SUSD5: variants seen among roughly 807,000 people sequenced by gnomAD.
SUSD5 encodes the protein sushi domain containing 5, also known as sushi domain-containing protein 5.
Under a neutral mutation model 29.5 loss-of-function variants are expected in SUSD5, and 33 were observed. That is an observed-to-expected ratio of 1.12 (90% confidence interval 0.85 to 1.49). SUSD5 has a LOEUF of 1.49. Ranked by LOEUF, SUSD5 falls within the 40% of genes most tolerant of loss-of-function variation. The pLI is 0.00. For missense variants in SUSD5, 776 were observed against 800.6 expected, an observed-to-expected ratio of 0.97 and a Z score of 0.37; for synonymous variants, 308 against 325.3, an observed-to-expected ratio of 0.95 and a Z score of 0.57.
chr3:33,199,825 T>C (rs2032075376), intron 3 of SUSD5, among the ~76,000 whole-genome samples: 1 of 152,190 alleles, frequency 6.6e-6, no homozygotes, highest in Non-Finnish European at 1.5e-5. Context: ...GAAATTTCAT[T>C]GCCATTGTAA....
chr3:33,172,048 A>G (rs992856023), intron 4 of SUSD5, among the ~76,000 whole-genome samples: 1 of 152,212 alleles, frequency 6.6e-6, no homozygotes, highest in African/African-American at 2.4e-5. Context: ...TCAATGTCCA[A>G]TCAGCCAGTA....
chr3:33,212,375 A>C (rs1390784948), intron 2 of SUSD5, among the ~76,000 whole-genome samples: 1 of 152,224 alleles, frequency 6.6e-6, no homozygotes, highest in Non-Finnish European at 1.5e-5. Flanking sequence ...TACAAAAAAA[A>C]CTAATAAATT....
chr3:33,178,271 C>T (rs1188018749), intron 3 of SUSD5, among the ~76,000 whole-genome samples: 1 of 152,186 alleles, frequency 6.6e-6, no homozygotes, highest in East Asian at 1.9e-4. Flanking sequence ...TCCATAACCT[C>T]TTGATGTGAT....
At chr3:33,166,734 G>C (rs1342605705) in intron 4 of SUSD5, among the ~76,000 whole-genome samples, 1 of 152,212 alleles carries the variant, frequency 6.6e-6, no homozygotes, top group Non-Finnish European at 1.5e-5. Flanking sequence ...TAGTGGGTGT[G>C]AATTACAGTT....
chr3:33,177,878 T>C (rs2031585118), intron 3 of SUSD5, among the ~76,000 whole-genome samples: 1 of 152,246 alleles, frequency 6.6e-6, no homozygotes, highest in Non-Finnish European at 1.5e-5. Flanking sequence ...TTTGTTGTTG[T>C]TGATTCTTTC....
intron 4 of SUSD5, among the ~76,000 whole-genome samples, chr3:33,161,131 T>A (rs2031179634): frequency 6.6e-6 from 1 of 152,066 alleles, no homozygotes; most frequent in African/African-American, 2.4e-5. Flanking sequence ...AACAATGAAA[T>A]AGTAAATATG....
At chr3:33,175,323 T>C (rs1461246431) in intron 3 of SUSD5, among the ~76,000 whole-genome samples, 2 of 152,166 alleles carry the variant, frequency 1.3e-5, no homozygotes, top group African/African-American at 4.8e-5. Flanking sequence ...CATTTTAAAG[T>C]TGCCAAACAA....
chr3:33,216,093 T>C (rs1012549040), intron 1 of SUSD5, among the ~76,000 whole-genome samples: 1 of 152,110 alleles, frequency 6.6e-6, no homozygotes, highest in Non-Finnish European at 1.5e-5. Flanking sequence ...AAACCCCTAC[T>C]AAGACTGATC....
chr3:33,190,453 AT>A (rs1255970345), intron 3 of SUSD5: 1 of 152,208 alleles, frequency 6.6e-6, no homozygotes, highest in Non-Finnish European at 1.5e-5. Flanking sequence ...ATATTGTGAA[AT>A]TTTCTCCTTA....
Position 33,207,871 on chromosome 3 carries a change from C to T in SUSD5, c.346G>A (p.Val116Met), listed in dbSNP as rs773973384. The T allele has an allele frequency of 1.2e-6, 2 of 1,614,034 alleles. No homozygotes were observed. The highest frequency in any genetic ancestry group is 2.2e-5 in the South Asian group (2 of 91,082). ...GEQQIMRAVD[V>M]RIESNPVPGG... The stretch of plus-strand genomic sequence containing the variant: ...GGAACTGGGTTGCTCTCAATTCTCA[C>T]ATCGACAGCTCTCATGATTTGCTGT... Residue 116 changes from valine to methionine, a missense_variant, in exon 3 of 5, where the codon GTG becomes ATG. Coordinates refer to ENST00000309558, the MANE Select transcript of SUSD5 (RefSeq NM_015551.2).
intron 1 of SUSD5, among the ~76,000 whole-genome samples, chr3:33,215,688 C>G (rs1293946123): frequency 6.6e-6 from 1 of 152,168 alleles, no homozygotes; most frequent in Non-Finnish European, 1.5e-5. Context: ...CTTGGTTATA[C>G]TGCCTCTCAA....
At position 33,153,653 on chromosome 3, in the gene SUSD5, C is replaced by T. The variant is rs1303723817; in HGVS notation, c.979G>A (p.Val327Ile). The T allele has an allele frequency of 1.2e-5, 19 of 1,614,046 alleles. No individual in the cohort carries two copies. The highest frequency in any genetic ancestry group is 2.7e-5 in the African/African-American group (2 of 75,054). The change falls in exon 5 of 5, where the codon GTA becomes ATA. Residue 327 changes from valine to isoleucine, a missense_variant. Transcript: ENST00000309558. ...TCAGGTTCACCTGGGACCAATTTTACACCACTGTGGTTGTCTCCAGCAGAA... is the reference window on the plus strand; with the variant it reads ...TCAGGTTCACCTGGGACCAATTTTATACCACTGTGGTTGTCTCCAGCAGAA... ...QFSAGDNHSG[V>I]KLVPGEPETK...
chr3:33,185,536 G>T (rs191018535), intron 3 of SUSD5, among the ~76,000 whole-genome samples: 32 of 151,964 alleles, frequency 2.1e-4, no homozygotes, highest in Admixed American at 2.0e-3. Context: ...TAGGTAACTT[G>T]TGATTATCTG....
At chr3:33,196,850 A>G (rs1419775302) in intron 3 of SUSD5, among the ~76,000 whole-genome samples, 1 of 152,172 alleles carries the variant, frequency 6.6e-6, no homozygotes, top group East Asian at 1.9e-4. Context: ...TAAGATATTC[A>G]AGAGTAAGAA....
At chr3:33,187,592 A>G (rs2031803697) in intron 3 of SUSD5, among the ~76,000 whole-genome samples, 1 of 152,002 alleles carries the variant, frequency 6.6e-6, no homozygotes, top group Non-Finnish European at 1.5e-5. Context: ...ACAGCTGGCT[A>G]TATACCTGGA....
At chr3:33,154,949 A>AAATGC (rs2031016690) in intron 4 of SUSD5, among the ~76,000 whole-genome samples, 1 of 152,264 alleles carries the variant, frequency 6.6e-6, no homozygotes, top group Non-Finnish European at 1.5e-5. Context: ...AAGTTTATGG[A>AAATGC]AATGCAATGT....
chr3:33,171,604 A>G (rs979378112), intron 4 of SUSD5, among the ~76,000 whole-genome samples: 1 of 152,152 alleles, frequency 6.6e-6, no homozygotes, highest in African/African-American at 2.4e-5. Flanking sequence ...ATTCCGCTTC[A>G]TGCAGCAGCA....
At chr3:33,166,003 C>A (rs2031296093) in intron 4 of SUSD5, among the ~76,000 whole-genome samples, 1 of 124,198 alleles carries the variant, frequency 8.1e-6, no homozygotes. Flanking sequence ...AGAGTGAGAC[C>A]CCCCTCTCCA....
chr3:33,185,193 G>T (rs911455695), intron 3 of SUSD5, among the ~76,000 whole-genome samples: 1 of 152,134 alleles, frequency 6.6e-6, no homozygotes, highest in African/African-American at 2.4e-5. Flanking sequence ...AGCTGGAGTT[G>T]GGAATTTCCC....
Sources: allele counts gnomAD v4.1 joint callset (sites outside exome capture counted in the v4.1 genomes callset), GRCh38; gene constraint gnomAD v4.1.1; transcripts MANE v1.5; gene names NCBI Gene and HGNC (gene_info 2026-07-23, HGNC 2026-07-21).